The following DKK2 variants were observed in gnomAD, a reference collection of about 807,000 sequenced individuals.
DKK2 encodes dickkopf Wnt signaling pathway inhibitor 2, also known as dickkopf-related protein 2.
Under a neutral mutation model 28.1 loss-of-function variants are expected in DKK2, and 11 were observed. That is an observed-to-expected ratio of 0.39 (90% CI 0.25 to 0.65). The LOEUF is 0.65. DKK2 is among the 30% of genes least tolerant of loss of function. DKK2 has a pLI of 0.47. For missense variants in DKK2, 326 were observed against 335.5 expected (o/e 0.97, Z 0.22); for synonymous variants, 135 against 126.5 (o/e 1.07, Z -0.45).
intron 1 of DKK2, among the ~76,000 whole-genome samples, chr4:107,014,075 T>C (rs528180148): frequency 6.6e-6 from 1 of 151,586 alleles, no homozygotes; most frequent in Non-Finnish European, 1.5e-5. Flanking sequence ...ACAAACAGTA[T>C]GGAGTTCCCT....
chr4:107,008,399 G>A (rs374233313), intron 1 of DKK2, among the ~76,000 whole-genome samples: 13 of 152,068 alleles, frequency 8.5e-5, no homozygotes, highest in East Asian at 5.8e-4. Context: ...AATATGATGC[G>A]CTATTGGAAC....
chr4:106,962,530 T>C (rs1012164425), intron 1 of DKK2, among the ~76,000 whole-genome samples: 2 of 129,596 alleles, frequency 1.5e-5, no homozygotes, highest in Admixed American at 1.5e-4. Context: ...TGTGTGTGTG[T>C]GTGTGTGTGT....
At chr4:106,948,137 T>C (rs1578353320) in intron 1 of DKK2, among the ~76,000 whole-genome samples, 1 of 152,194 alleles carries the variant, frequency 6.6e-6, no homozygotes, top group African/African-American at 2.4e-5. Context: ...GACTGTCAAA[T>C]GTTATGCAGG....
chr4:106,957,859 T>A (rs910338570), intron 1 of DKK2, among the ~76,000 whole-genome samples: 2 of 150,348 alleles, frequency 1.3e-5, no homozygotes, highest in Non-Finnish European at 3.0e-5. Context: ...CATATGTAAC[T>A]AACCTGCACA....
chr4:106,934,739 C>G (rs1030206083), intron 1 of DKK2, among the ~76,000 whole-genome samples: 1 of 152,080 alleles, frequency 6.6e-6, no homozygotes, highest in Non-Finnish European at 1.5e-5. Flanking sequence ...CTGAAGGAAG[C>G]AGATAAAATT....
At chr4:106,978,699 G>A (rs1197892071) in intron 1 of DKK2, among the ~76,000 whole-genome samples, 1 of 152,154 alleles carries the variant, frequency 6.6e-6, no homozygotes, top group African/African-American at 2.4e-5. Flanking sequence ...GATCCGCTGA[G>A]CTAGACCATT....
intron 1 of DKK2, among the ~76,000 whole-genome samples, chr4:107,020,805 T>G (rs569789503): frequency 6.6e-6 from 1 of 152,164 alleles, no homozygotes; most frequent in East Asian, 1.9e-4. Context: ...TTTAACTAAG[T>G]TGCACATGAA....
At chr4:107,025,414 T>C (rs1205774859) in intron 1 of DKK2, among the ~76,000 whole-genome samples, 1 of 152,228 alleles carries the variant, frequency 6.6e-6, no homozygotes, top group Non-Finnish European at 1.5e-5. Flanking sequence ...GAAGTCATAC[T>C]GCATTACCTA....
intron 1 of DKK2, among the ~76,000 whole-genome samples, chr4:107,004,073 A>G (rs947798144): frequency 1.2e-4 from 18 of 152,206 alleles, no homozygotes; most frequent in Non-Finnish European, 2.1e-4. Flanking sequence ...AGAGATACAG[A>G]ACAAGAATCA....
At chr4:107,001,050 T>C (rs1033369433) in intron 1 of DKK2, among the ~76,000 whole-genome samples, 8 of 151,788 alleles carry the variant, frequency 5.3e-5, no homozygotes, top group Non-Finnish European at 1.0e-4. Flanking sequence ...CTCCTCTCTC[T>C]TCTGACGAAA....
At chr4:106,948,915 G>A (rs564532584) in intron 1 of DKK2, among the ~76,000 whole-genome samples, 1 of 152,280 alleles carries the variant, frequency 6.6e-6, no homozygotes, top group East Asian at 1.9e-4. Flanking sequence ...CAGTGTCCTA[G>A]TCTAAATGCA....
chr4:106,939,771 A>G (rs1724664118), intron 1 of DKK2, among the ~76,000 whole-genome samples: 1 of 152,240 alleles, frequency 6.6e-6, no homozygotes. Flanking sequence ...ATATAGATCA[A>G]TGGAACAGAA....
At chr4:107,016,526 TC>T (rs1723607810) in intron 1 of DKK2, among the ~76,000 whole-genome samples, 1 of 151,992 alleles carries the variant, frequency 6.6e-6, no homozygotes, top group Non-Finnish European at 1.5e-5. Flanking sequence ...TCCTTATATA[TC>T]CTATTCAGCC....
chr4:107,011,744 AT>A (rs1182594978), intron 1 of DKK2, among the ~76,000 whole-genome samples: 2 of 151,152 alleles, frequency 1.3e-5, no homozygotes, highest in African/African-American at 2.4e-5. Flanking sequence ...GAGTGTGTTG[AT>A]AAAAAACACA....
chr4:107,012,910 A>G (rs1334494215), intron 1 of DKK2, among the ~76,000 whole-genome samples: 1 of 150,504 alleles, frequency 6.6e-6, no homozygotes, highest in African/African-American at 2.4e-5. Context: ...ATTATCTCTT[A>G]ATATATTTTA....
At chr4:106,939,720 T>C (rs2110343175) in intron 1 of DKK2, among the ~76,000 whole-genome samples, 2 of 152,284 alleles carry the variant, frequency 1.3e-5, no homozygotes, top group Middle Eastern at 3.4e-3. Flanking sequence ...ACTACAAGGC[T>C]ACAGTAACCA....
intron 1 of DKK2, among the ~76,000 whole-genome samples, chr4:106,992,844 G>C (rs933574382): frequency 2.0e-5 from 3 of 152,206 alleles, no homozygotes; most frequent in African/African-American, 4.8e-5. Flanking sequence ...CCTGGCTGAA[G>C]ACAAAAGCAC....
At chr4:106,936,069 C>G (rs999910566) in intron 1 of DKK2, among the ~76,000 whole-genome samples, 5 of 152,080 alleles carry the variant, frequency 3.3e-5, no homozygotes, top group Non-Finnish European at 7.4e-5. Context: ...CTCTCCTCCT[C>G]CAAAGGAACA....
intron 1 of DKK2, among the ~76,000 whole-genome samples, chr4:107,019,515 T>C (rs979378384): frequency 6.6e-6 from 1 of 152,046 alleles, no homozygotes; most frequent in South Asian, 2.1e-4. Context: ...GCTCCACAAA[T>C]GTTAGCTGTC....
Sources: gnomAD v4.1 joint callset for allele counts (sites outside exome capture counted in the v4.1 genomes callset) on GRCh38, gnomAD v4.1.1 for gene constraint, MANE v1.5 for transcripts, NCBI Gene and HGNC (gene_info 2026-07-23, HGNC 2026-07-21) for gene names.